The following KCTD3 variants were observed in gnomAD, a reference collection of about 807,000 sequenced individuals.
KCTD3 encodes potassium channel tetramerization domain containing 3, also known as BTB/POZ domain-containing protein KCTD3.
In KCTD3, 41 loss-of-function variants were observed where a neutral mutation model predicts 85.8. That is an observed-to-expected ratio of 0.48 (90% CI 0.37 to 0.62). The LOEUF is 0.62. KCTD3 is among the 20% of genes least tolerant of loss of function. The pLI is 0.00. For missense variants in KCTD3, 724 were observed against 989.9 expected (o/e 0.73, Z 3.60); for synonymous variants, 338 against 345.4 (o/e 0.98, Z 0.24).
chr1:215,584,806 T>A (rs1659948409), intron 8 of KCTD3, among the ~76,000 whole-genome samples: 1 of 152,222 alleles, frequency 6.6e-6, no homozygotes, highest in Non-Finnish European at 1.5e-5. Flanking sequence ...AAACAGATTC[T>A]TATTGTAGTT....
At chr1:215,584,377 A>G (rs890139562) in intron 8 of KCTD3, among the ~76,000 whole-genome samples, 5 of 152,248 alleles carry the variant, frequency 3.3e-5, no homozygotes, top group African/African-American at 1.2e-4. Context: ...TTATTTGTAT[A>G]AAGTGCAGCA....
intron 7 of KCTD3, 51 bp downstream of exon 7, chr1:215,579,188 G>T (rs1235701110): frequency 6.7e-7 from 1 of 1,491,416 alleles, no homozygotes; most frequent in Non-Finnish European, 9.2e-7. Flanking sequence ...TGTTTTTAGT[G>T]CTGGGTGATA....
intron 12 of KCTD3, among the ~76,000 whole-genome samples, chr1:215,603,583 T>A (rs1312253653): frequency 6.6e-6 from 1 of 152,210 alleles, no homozygotes; most frequent in Non-Finnish European, 1.5e-5. Flanking sequence ...AAATAGTATA[T>A]TTAATGCTTG....
chr1:215,618,498 C>T (rs1037718962), intron 15 of KCTD3: 6 of 171,766 alleles, frequency 3.5e-5, no homozygotes, highest in Admixed American at 3.1e-4. Context: ...CTAATTCAGT[C>T]AAGTACAATT....
At chr1:215,609,102 G>C (rs1655142329) in intron 14 of KCTD3, among the ~76,000 whole-genome samples, 1 of 152,034 alleles carries the variant, frequency 6.6e-6, no homozygotes, top group Admixed American at 6.6e-5. Context: ...GGAGGAGATA[G>C]TGCCAGGATC....
intron 9 of KCTD3, among the ~76,000 whole-genome samples, chr1:215,589,255 C>A (rs1367681161): frequency 6.6e-6 from 1 of 152,048 alleles, no homozygotes; most frequent in African/African-American, 2.4e-5. Flanking sequence ...GCAGTCCCCC[C>A]ACCTCAGCCT....
rs1655683457 is a variant in KCTD3, at chr1:215,621,389, A to G, written c.*771A>G. ...AGAAGGGAAAGCTGTACCAGTTGCT[A>G]ACCTGTCTTGTTTCAGGAGCCACCA... On this transcript the variant is annotated 3_prime_UTR_variant, in exon 18 of 18. Transcript: ENST00000259154. 1 of 152,104 alleles carries G rather than the reference A, an allele frequency of 6.6e-6. No homozygotes were observed. The highest frequency in any genetic ancestry group is 2.4e-5 in the African/African-American group (1 of 41,440). The allele number at this position is 152,104 out of a possible 1,614,324, so 9.4% of individuals were successfully genotyped here.
Position 215,618,957 on chromosome 1 carries a change from G to A in KCTD3, c.1634G>A (p.Ser545Asn). 6.2e-7 allele frequency: 1 copy of A among 1,613,804 alleles called. No individual in the cohort carries two copies. Among genetic ancestry groups the A allele is most frequent in the Non-Finnish European group, 8.5e-7 (1 of 1,179,808 alleles). The change falls in exon 16 of 18, where the codon AGT (serine) becomes AAT (asparagine). Residue 545 changes from serine to asparagine, a missense_variant. This residue lies in a region of KCTD3 where 136 missense variants were observed against 197.6 expected (regional missense o/e 0.69). Coordinates refer to ENST00000259154, the MANE Select transcript of KCTD3 (RefSeq NM_016121.5). Reference sequence around the variant, plus strand: ...ACAGTGAGGGAATGTGAGGGATCCAGTAGGATGGGCTCAAGACCAAGGCGC... The same window carrying A: ...ACAGTGAGGGAATGTGAGGGATCCAATAGGATGGGCTCAAGACCAAGGCGC... The part of the protein sequence containing the change: ...SFTVRECEGS[S>N]RMGSRPRRYL...
intron 8 of KCTD3, chr1:215,581,236 A>G (rs1375242410): frequency 6.5e-6 from 1 of 152,966 alleles, no homozygotes; most frequent in Admixed American, 6.5e-5. Context: ...ACAGAGCAAG[A>G]CTCTGTCTCA....
chr1:215,584,894 C>T (rs886792488), intron 8 of KCTD3, among the ~76,000 whole-genome samples: 10 of 152,270 alleles, frequency 6.6e-5, no homozygotes, highest in African/African-American at 2.2e-4. Context: ...AAGAAATATG[C>T]TCCAAATTTT....
chr1:215,616,023 AAGAT>A (rs1361757287), intron 15 of KCTD3, among the ~76,000 whole-genome samples: 1 of 152,184 alleles, frequency 6.6e-6, no homozygotes, highest in African/African-American at 2.4e-5. Flanking sequence ...TGTTCACAGA[AAGAT>A]AGGGACATGT....
At chr1:215,582,990 T>C (rs1051649297) in intron 8 of KCTD3, among the ~76,000 whole-genome samples, 2 of 152,236 alleles carry the variant, frequency 1.3e-5, no homozygotes, top group African/African-American at 2.4e-5. Flanking sequence ...GTAGTTGTTA[T>C]AGTTATTTTT....
intron 15 of KCTD3, among the ~76,000 whole-genome samples, chr1:215,612,441 T>C (rs554653977): frequency 6.6e-6 from 1 of 152,172 alleles, no homozygotes; most frequent in Non-Finnish European, 1.5e-5. Context: ...CCATCTACTT[T>C]AACATGGAGA....
chr1:215,576,376 G>GT (rs1311789448), intron 4 of KCTD3, among the ~76,000 whole-genome samples: 2,756 of 141,408 alleles, frequency 0.019, 61 homozygotes, highest in African/African-American at 0.057. Context: ...GCCAGAAAAG[G>GT]TTTTTTTTTT....
intron 15 of KCTD3, chr1:215,618,180 G>C: frequency 2.2e-6 from 1 of 458,110 alleles, no homozygotes; most frequent in South Asian, 1.6e-5. Context: ...CCTTAGAGTT[G>C]ATTGTTGCAT....
intron 1 of KCTD3, among the ~76,000 whole-genome samples, chr1:215,571,478 C>T (rs1016249326): frequency 6.6e-6 from 1 of 152,170 alleles, no homozygotes; most frequent in African/African-American, 2.4e-5. Flanking sequence ...TAGTCAACTT[C>T]TATGTGTTCC....
chr1:215,567,983 A>C (rs1174980760), intron 1 of KCTD3, among the ~76,000 whole-genome samples: 1 of 152,190 alleles, frequency 6.6e-6, no homozygotes, highest in Non-Finnish European at 1.5e-5. Flanking sequence ...GACGCTTGGA[A>C]TTACCGAGGA....
intron 1 of KCTD3, among the ~76,000 whole-genome samples, chr1:215,570,059 C>T (rs1378308687): frequency 6.6e-6 from 1 of 152,068 alleles, no homozygotes; most frequent in Non-Finnish European, 1.5e-5. Flanking sequence ...GTATCTTGTA[C>T]AAAACACAGT....
At chr1:215,605,958 CT>C (rs997534809) in intron 13 of KCTD3, among the ~76,000 whole-genome samples, 12 of 152,136 alleles carry the variant, frequency 7.9e-5, no homozygotes, top group African/African-American at 2.7e-4. Context: ...CCAGAAGCAT[CT>C]TTTAGAAACA....
Sources: allele counts gnomAD v4.1 joint callset (sites outside exome capture counted in the v4.1 genomes callset), GRCh38; gene constraint gnomAD v4.1.1; regional missense constraint gnomAD v4.1.1; transcripts MANE v1.5; gene names NCBI Gene and HGNC (gene_info 2026-07-23, HGNC 2026-07-21).